Variants in SNX13 observed in about 807,000 individuals in gnomAD.
SNX13 encodes the protein sorting nexin-13.
A neutral mutation model predicts 133.6 loss-of-function variants in SNX13; 45 were observed. That is an observed-to-expected ratio of 0.34 (90% CI 0.27 to 0.43). SNX13 has a LOEUF of 0.43. Among genes scored for constraint, SNX13 ranks in the 20% least tolerant of loss-of-function variants. The probability of loss-of-function intolerance (pLI) is 1.00; values close to 1 mark genes in which losing one functional copy is unlikely to be tolerated. For synonymous variants in SNX13, 414 were observed against 373.9 expected (o/e 1.11, Z -1.24); for missense variants, 1,032 against 1,145.1 (o/e 0.90, Z 1.43).
intron 1 of SNX13, chr7:17,898,200 A>G (rs1797424063): frequency 6.6e-6 from 1 of 152,184 alleles, no homozygotes; most frequent in Admixed American, 6.5e-5. Context: ...CATGTGTTCA[A>G]TTCAACAAGT....
At chr7:17,831,848 A>G (rs1207336355) in intron 15 of SNX13, 4 of 983,958 alleles carry the variant, frequency 4.1e-6, no homozygotes, top group Non-Finnish European at 4.8e-6. Context: ...TATCAGAAGC[A>G]TTACTAGTTG....
Position 17,835,898 on chromosome 7 carries a change from G to T in SNX13, c.1360-1033C>A, listed in dbSNP as rs530007030. Among the ~76,000 whole-genome samples the T allele has an allele frequency of 2.0e-5, 3 of 151,882 alleles. No homozygotes were observed. The East Asian group carries it at 5.8e-4, about 29-fold the overall frequency. ...GATGCTTATTTGTTTTGTGTTTCGG[G>T]GGGTAGTAGAGTTGCCCTGAAATAG... On this transcript the variant is annotated intron_variant, in intron 13 of 25. Coordinates refer to ENST00000428135, the MANE Select transcript of SNX13 (RefSeq NM_015132.5).
chr7:17,876,501 G>A (rs116857771), intron 5 of SNX13, among the ~76,000 whole-genome samples: 3 of 147,852 alleles, frequency 2.0e-5, no homozygotes, highest in Non-Finnish European at 4.4e-5. Context: ...GATCACCTGA[G>A]CCCAGGAGGT....
At chr7:17,937,745 T>C (rs1270698704) in intron 1 of SNX13, among the ~76,000 whole-genome samples, 2 of 152,164 alleles carry the variant, frequency 1.3e-5, no homozygotes, top group Non-Finnish European at 2.9e-5. Context: ...GACCTAAATA[T>C]GATTTCTGTC....
intron 9 of SNX13, among the ~76,000 whole-genome samples, chr7:17,860,124 A>C (rs768958702): frequency 6.6e-6 from 1 of 151,748 alleles, no homozygotes; most frequent in Non-Finnish European, 1.5e-5. Flanking sequence ...AAGAGTTTAA[A>C]TTTTTCCACA....
At chr7:17,869,441 T>C (rs956973825) in intron 8 of SNX13, among the ~76,000 whole-genome samples, 8 of 152,122 alleles carry the variant, frequency 5.3e-5, no homozygotes, top group Non-Finnish European at 1.2e-4. Context: ...TCACCTGGTA[T>C]TACCCTTTAG....
At chr7:17,898,211 T>C (rs991655290) in intron 1 of SNX13, 1 of 152,176 alleles carries the variant, frequency 6.6e-6, no homozygotes, top group Non-Finnish European at 1.5e-5. Flanking sequence ...TTCAACAAGT[T>C]CCTACATCCA....
chr7:17,808,016 G>C (rs1785522892), intron 20 of SNX13, among the ~76,000 whole-genome samples: 1 of 152,148 alleles, frequency 6.6e-6, no homozygotes, highest in Non-Finnish European at 1.5e-5. Flanking sequence ...AGTGCAAAAA[G>C]GCTGAAAATT....
chr7:17,928,185 A>G (rs1252803604), intron 1 of SNX13, among the ~76,000 whole-genome samples: 1 of 152,120 alleles, frequency 6.6e-6, no homozygotes, highest in Non-Finnish European at 1.5e-5. Context: ...TAAAACAACA[A>G]TAGGAGCTAT....
chr7:17,806,574 T>C (rs1054999087), intron 20 of SNX13, among the ~76,000 whole-genome samples: 3 of 152,116 alleles, frequency 2.0e-5, no homozygotes, highest in Admixed American at 6.5e-5. Flanking sequence ...ATATGGTTTA[T>C]GAAAAATGTG....
At chr7:17,873,493 T>G in intron 8 of SNX13, 35 bp downstream of exon 8, 3 of 1,410,650 alleles carry the variant, frequency 2.1e-6, no homozygotes, top group Non-Finnish European at 1.9e-6. Context: ...TCTACATTTT[T>G]TTGCAGGTAT....
chr7:17,798,790 TA>T, intron 23 of SNX13, 32 bp from the exon 24 acceptor site: 1 of 1,477,366 alleles, frequency 6.8e-7, no homozygotes, highest in South Asian at 1.3e-5. Flanking sequence ...TGAGGAAGGT[TA>T]AAATTTTAGA....
At position 17,850,935 on chromosome 7, in the gene SNX13, G is replaced by C. The variant is rs758118028; in HGVS notation, c.867C>G (p.Ala289=). The change falls in exon 10 of 26, where the codon GCC becomes GCG. Residue 289 remains alanine, a synonymous_variant. Transcript: ENST00000428135. ...CACTCAATTTAATAATGTTCATAAA[G>C]GCCTCATAGTTGCAGTTAGAATCAC... The part of the protein sequence containing the change: ...MIRDSNCNYE[A]FMNIIKLSDN... The C allele has an allele frequency of 6.2e-7, 1 of 1,607,780 alleles. No homozygotes were observed. The highest frequency in any genetic ancestry group is 1.7e-5 in the Admixed American group (1 of 58,208).
At chr7:17,903,052 T>G (rs936024259) in intron 1 of SNX13, among the ~76,000 whole-genome samples, 1 of 152,138 alleles carries the variant, frequency 6.6e-6, no homozygotes, top group African/African-American at 2.4e-5. Context: ...CCACAGAGGT[T>G]GGGAACTGCT....
At chr7:17,819,374 T>G (rs1787029678) in intron 18 of SNX13, among the ~76,000 whole-genome samples, 1 of 152,036 alleles carries the variant, frequency 6.6e-6, no homozygotes, top group African/African-American at 2.4e-5. Flanking sequence ...CCTGAGTAGC[T>G]GGGACTACAG....
chr7:17,794,059 A>C lies in SNX13; in HGVS notation c.2860T>G (p.Leu954Val). Residue 954 changes from leucine to valine, a missense_variant, in exon 26 of 26, where the codon TTG becomes GTG. Physicochemically the swap from Leu to Val is conservative, Grantham distance 32 (BLOSUM62 1). Transcript: ENST00000428135. ...QKLQTTQAPS[L>V]QKR ...AGAGTGGAGTGTCACCTTTTCTGCA[A>C]AGAAGGCGCTTGAGTAGTTTGAAGT... 2 of 1,611,202 alleles carry C rather than the reference A, an allele frequency of 1.2e-6. No homozygotes were observed. Among genetic ancestry groups the C allele is most frequent in the East Asian group, 2.2e-5 (1 of 44,806 alleles).
At chr7:17,824,495 A>G (rs1274900492) in intron 17 of SNX13, among the ~76,000 whole-genome samples, 1 of 152,200 alleles carries the variant, frequency 6.6e-6, no homozygotes, top group Non-Finnish European at 1.5e-5. Flanking sequence ...GTAATGAATT[A>G]GTTCCATAAC....
At chr7:17,818,542 A>G (rs962163631) in intron 18 of SNX13, among the ~76,000 whole-genome samples, 6 of 152,306 alleles carry the variant, frequency 3.9e-5, no homozygotes, top group African/African-American at 1.4e-4. Context: ...TATTTAAAAG[A>G]TTATTTTAAA....
At chr7:17,843,959 A>G (rs546952834) in intron 12 of SNX13, among the ~76,000 whole-genome samples, 2 of 152,160 alleles carry the variant, frequency 1.3e-5, no homozygotes, top group African/African-American at 4.8e-5. Context: ...GCAAAAAGGA[A>G]AATCTCAAAT....
Sources: gnomAD v4.1 joint callset for allele counts (sites outside exome capture counted in the v4.1 genomes callset) on GRCh38, gnomAD v4.1.1 for gene constraint, MANE v1.5 for transcripts, NCBI Gene and HGNC (gene_info 2026-07-23, HGNC 2026-07-21) for gene names.